ROR2: variants seen among roughly 807,000 people sequenced by gnomAD.
The protein encoded by ROR2 is ROR family WNT receptor 2.
In ROR2, 33 loss-of-function variants were observed where a neutral mutation model predicts 74.9. The observed-to-expected ratio is 0.44, with a 90% CI of 0.33 to 0.59. The LOEUF (loss-of-function observed/expected upper bound fraction) is 0.59. Ranked by LOEUF, ROR2 falls within the 20% of genes least tolerant of loss-of-function variation. ROR2 has a pLI of 0.02. For synonymous variants in ROR2, 586 were observed against 558.7 expected, an observed-to-expected ratio of 1.05 and a Z score of -0.69; for missense variants, 1,216 against 1,313.8, an observed-to-expected ratio of 0.93 and a Z score of 1.15.
At chr9:91,873,009 G>A (rs1161462797) in intron 1 of ROR2, among the ~76,000 whole-genome samples, 1 of 152,156 alleles carries the variant, frequency 6.6e-6, no homozygotes, top group Non-Finnish European at 1.5e-5. Flanking sequence ...AAACTTCTTG[G>A]AGACATGACT....
intron 1 of ROR2, among the ~76,000 whole-genome samples, chr9:91,811,789 C>T (rs1015858267): frequency 2.0e-5 from 3 of 152,232 alleles, no homozygotes; most frequent in Admixed American, 6.5e-5. Flanking sequence ...CAGCAAGCCT[C>T]CTCTTCTAGG....
intron 1 of ROR2, among the ~76,000 whole-genome samples, chr9:91,809,710 G>T (rs555170324): frequency 9.9e-4 from 151 of 152,360 alleles, no homozygotes; most frequent in Non-Finnish European, 1.4e-3. Flanking sequence ...GGTACAGCCG[G>T]CAGCAAGAGT....
intron 1 of ROR2, among the ~76,000 whole-genome samples, chr9:91,909,658 T>G (rs1030965809): frequency 3.3e-5 from 5 of 151,306 alleles, no homozygotes; most frequent in Non-Finnish European, 5.9e-5. Flanking sequence ...GGCCCCAGGC[T>G]CCTATGTTTA....
chr9:91,831,605 A>G (rs111595086), intron 1 of ROR2, among the ~76,000 whole-genome samples: 3,139 of 152,118 alleles, frequency 0.021, 120 homozygotes, highest in African/African-American at 0.071. Flanking sequence ...GTGAAACTCT[A>G]TCTCTACTAA....
At chr9:91,797,667 G>GA (rs1330033583) in intron 1 of ROR2, among the ~76,000 whole-genome samples, 2 of 12,700 alleles carry the variant, frequency 1.6e-4, no homozygotes, top group Non-Finnish European at 2.7e-4. Flanking sequence ...TGTGGGTGGG[G>GA]CTGACACCCT....
chr9:91,747,420 G>A (rs1371661561), intron 4 of ROR2, among the ~76,000 whole-genome samples: 1 of 152,238 alleles, frequency 6.6e-6, no homozygotes, highest in Non-Finnish European at 1.5e-5. Flanking sequence ...CGAGTGGAAG[G>A]CCTGAGTTAG....
chr9:91,911,370 T>C (rs1177049535), intron 1 of ROR2, among the ~76,000 whole-genome samples: 5 of 152,240 alleles, frequency 3.3e-5, no homozygotes, highest in Non-Finnish European at 7.3e-5. Context: ...AGCATGTGAC[T>C]GTACTGAATA....
At chr9:91,854,810 T>G (rs1157275076) in intron 1 of ROR2, among the ~76,000 whole-genome samples, 1 of 152,174 alleles carries the variant, frequency 6.6e-6, no homozygotes, top group Non-Finnish European at 1.5e-5. Flanking sequence ...TCGTTAGAGG[T>G]AAGGTTTGAA....
intron 1 of ROR2, among the ~76,000 whole-genome samples, chr9:91,826,007 G>A (rs1828276901): frequency 6.6e-6 from 1 of 152,202 alleles, no homozygotes; most frequent in South Asian, 2.1e-4. Context: ...CTCACTGGGT[G>A]GCTTCGCCCC....
chr9:91,942,982 T>C (rs1315189747), intron 1 of ROR2, among the ~76,000 whole-genome samples: 1 of 152,238 alleles, frequency 6.6e-6, no homozygotes, highest in Admixed American at 6.5e-5. Context: ...AAGAAACTCA[T>C]ACATATAGTT....
chr9:91,784,545 G>A (rs1826730700), intron 1 of ROR2, among the ~76,000 whole-genome samples: 1 of 152,218 alleles, frequency 6.6e-6, no homozygotes, highest in African/African-American at 2.4e-5. Context: ...GAACACAGTT[G>A]GCTTCAATGC....
Position 91,756,118 on chromosome 9 carries a change from A to G in ROR2, c.464-17T>C. The G allele has an allele frequency of 6.2e-7, 1 of 1,613,346 alleles. No individual in the cohort carries two copies. The highest frequency in any genetic ancestry group is 8.5e-7 in the Non-Finnish European group (1 of 1,179,234). The stretch of plus-strand genomic sequence containing the variant: ...GCGTTGGACCTAAAAAGAGGAAACA[A>G]AAAGACAAGTTATTAATACTCCATG... On this transcript the variant is annotated splice_polypyrimidine_tract_variant and intron_variant, in intron 3 of 8. Coordinates refer to ENST00000375708, the MANE Select transcript of ROR2 (RefSeq NM_004560.4).
At position 91,735,652 on chromosome 9, in the gene ROR2, G is replaced by A. The variant is rs920755909; in HGVS notation, c.622+1739C>T. Reference sequence around the variant, plus strand: ...TTTTTTTTTTTTTTTTTGAGACAGAGTCTTGCTCTGTCTCTGGGGCTGGAG... The same window carrying A: ...TTTTTTTTTTTTTTTTTGAGACAGAATCTTGCTCTGTCTCTGGGGCTGGAG... On this transcript the variant is annotated intron_variant, in intron 5 of 8. Coordinates refer to ENST00000375708, the MANE Select transcript of ROR2 (RefSeq NM_004560.4). Among the ~76,000 whole-genome samples, 6 of 94,576 alleles carry A rather than the reference G, an allele frequency of 6.3e-5. No homozygotes were observed. In the Admixed American group the frequency reaches 9.9e-4, roughly 16 times the overall value. The allele number at this position is 94,576 out of a possible 152,430, so 62.0% of individuals were successfully genotyped here.
At position 91,886,834 on chromosome 9, in the gene ROR2, C is replaced by T. The variant is rs547889584; in HGVS notation, c.97+63033G>A. 3.3e-5 allele frequency: 5 copies of T among 152,324 alleles called. No individual in the cohort carries two copies. The South Asian group carries it at 1.0e-3, about 32-fold the overall frequency. 9.4% of individuals were successfully genotyped at this position (152,324 alleles called of 1,614,324 possible). On this transcript the variant is annotated intron_variant, in intron 1 of 8. Transcript: ENST00000375708. Reference sequence around the variant, plus strand: ...CGTTACCTGCTGGGGCATCTTTCTTCTCACCACAGGTCACGAACCCACTAC... The same window carrying T: ...CGTTACCTGCTGGGGCATCTTTCTTTTCACCACAGGTCACGAACCCACTAC...
chr9:91,814,583 A>G (rs887832630), intron 1 of ROR2, among the ~76,000 whole-genome samples: 1 of 152,222 alleles, frequency 6.6e-6, no homozygotes, highest in African/African-American at 2.4e-5. Context: ...GCTGTTACAT[A>G]CCACTCTTTG....
intron 1 of ROR2, among the ~76,000 whole-genome samples, chr9:91,839,399 G>T (rs1418178610): frequency 6.6e-6 from 1 of 151,038 alleles, no homozygotes; most frequent in Non-Finnish European, 1.5e-5. Context: ...GGTGTGTGTT[G>T]TGAGTGTGGG....
intron 7 of ROR2, among the ~76,000 whole-genome samples, chr9:91,727,395 C>T (rs565302159): frequency 1.4e-5 from 2 of 144,286 alleles, no homozygotes; most frequent in African/African-American, 2.6e-5. Flanking sequence ...CAGCTACCTT[C>T]CCTGCATTTT....
chr9:91,790,230 A>C (rs1294453736), intron 1 of ROR2, among the ~76,000 whole-genome samples: 2 of 152,096 alleles, frequency 1.3e-5, no homozygotes, highest in Non-Finnish European at 2.9e-5. Flanking sequence ...GGCCGGGCAC[A>C]GTGGCTCATG....
chr9:91,854,129 A>G (rs1829200606), intron 1 of ROR2, among the ~76,000 whole-genome samples: 1 of 152,160 alleles, frequency 6.6e-6, no homozygotes, highest in Non-Finnish European at 1.5e-5. Context: ...CACAGACCCT[A>G]CGTCTCAGAG....
Sources: gnomAD v4.1 joint callset for allele counts (sites outside exome capture counted in the v4.1 genomes callset) on GRCh38, gnomAD v4.1.1 for gene constraint, MANE v1.5 for transcripts, NCBI Gene and HGNC (gene_info 2026-07-23, HGNC 2026-07-21) for gene names.